B3GAT1: variants seen among roughly 807,000 people sequenced by gnomAD.
B3GAT1 encodes beta-1,3-glucuronyltransferase 1, also known as galactosylgalactosylxylosylprotein 3-beta-glucuronosyltransferase 1.
A neutral mutation model predicts 28.4 loss-of-function variants in B3GAT1; 11 were observed. The ratio of observed to expected loss-of-function variants is 0.39; its 90% CI spans 0.24 to 0.64. The LOEUF (loss-of-function observed/expected upper bound fraction) is 0.64, where lower values mean the gene tolerates loss of function less well. B3GAT1 is among the 30% of genes least tolerant of loss of function. B3GAT1 has a pLI of 0.50. For missense variants in B3GAT1, 375 were observed against 491.0 expected, an observed-to-expected ratio of 0.76 and a Z score of 2.23; for synonymous variants, 255 against 223.1, an observed-to-expected ratio of 1.14 and a Z score of -1.27.
At chr11:134,395,529 T>C (rs1944488572) in intron 1 of B3GAT1, among the ~76,000 whole-genome samples, 2 of 152,046 alleles carry the variant, frequency 1.3e-5, no homozygotes, top group South Asian at 4.1e-4. Context: ...GCCTGCGTGA[T>C]AGGGATTACT....
At chr11:134,390,511 T>TAGGAC (rs1944388013) in intron 1 of B3GAT1, 1 of 152,198 alleles carries the variant, frequency 6.6e-6, no homozygotes. Flanking sequence ...AGAAGATGAG[T>TAGGAC]GTCCTGCCAG....
At chr11:134,397,705 C>T (rs950967491) in intron 1 of B3GAT1, among the ~76,000 whole-genome samples, 2 of 152,248 alleles carry the variant, frequency 1.3e-5, no homozygotes, top group Admixed American at 6.5e-5. Flanking sequence ...GATGCCCAAG[C>T]GCAAACCAGG....
Position 134,399,772 on chromosome 11 carries a change from C to T in B3GAT1, c.-281-11832G>A, listed in dbSNP as rs1944575520. Among the ~76,000 whole-genome samples, 2 of 152,194 alleles carry T rather than the reference C, an allele frequency of 1.3e-5. 1 individual carries two copies. Among genetic ancestry groups the T allele is most frequent in the South Asian group, 4.1e-4 (2 of 4,824 alleles). The stretch of plus-strand genomic sequence containing the variant: ...TGCAGCAAGGGTCTCTCGTGATGGG[C>T]TGGATGAGTGTGTCCATCCACAGCA... On this transcript the variant is annotated intron_variant, in intron 1 of 5. Transcript: ENST00000312527.
chr11:134,404,656 C>T (rs78033321), intron 1 of B3GAT1, among the ~76,000 whole-genome samples: 4 of 152,126 alleles, frequency 2.6e-5, no homozygotes, highest in African/African-American at 9.7e-5. Context: ...GGAGGCCCCC[C>T]TCCAAGGCTC....
intron 1 of B3GAT1, among the ~76,000 whole-genome samples, chr11:134,403,984 T>A (rs188136902): frequency 1.7e-4 from 1 of 6,008 alleles, no homozygotes; most frequent in Non-Finnish European, 4.9e-4. Flanking sequence ...TTTCTTTCTT[T>A]ATATATATAT....
chr11:134,382,208 C>T (rs772534605), intron 4 of B3GAT1, among the ~76,000 whole-genome samples, 184 bp from the exon 5 acceptor site: 1 of 152,056 alleles, frequency 6.6e-6, no homozygotes, highest in Non-Finnish European at 1.5e-5. Flanking sequence ...TCTCGACTAC[C>T]CCCTCATTTT....
chr11:134,404,029 ATTTATT>A (rs1383981593), intron 1 of B3GAT1, among the ~76,000 whole-genome samples: 4 of 112,286 alleles, frequency 3.6e-5, no homozygotes, highest in African/African-American at 1.4e-4. Context: ...ATATATATAT[ATTTATT>A]ATACGTTAAG....
At position 134,412,124 on chromosome 11, in the gene B3GAT1, A is replaced by AGGTGGAGCGGGGAGGGGGG. The variant is rs1944873732; in HGVS notation, c.-600_-599insCCCCCCTCCCCGCTCCACC. Among the ~76,000 whole-genome samples the AGGTGGAGCGGGGAGGGGGG allele has an allele frequency of 5.8e-5, 1 of 17,120 alleles. No homozygotes were observed. Among genetic ancestry groups the AGGTGGAGCGGGGAGGGGGG allele is most frequent in the Non-Finnish European group, 1.2e-4 (1 of 8,254 alleles). 11.2% of individuals were successfully genotyped at this position (17,120 alleles called of 152,430 possible). A position where few individuals can be genotyped will look rare whatever the true frequency, so the allele number is the denominator to read the frequency against. ...GCGGGGAGGGGGAGCGGGGAGGGGG[A>AGGTGGAGCGGGGAGGGGGG]GCGGGGAGCGGGCGCGGGGGCGAGA... On this transcript the variant is annotated 5_prime_UTR_variant, in exon 1 of 6. Coordinates refer to ENST00000312527, the MANE Select transcript of B3GAT1 (RefSeq NM_054025.3).
At chr11:134,383,061 C>A in intron 3 of B3GAT1, 55 bp from the exon 4 acceptor site, 1 of 1,478,260 alleles carries the variant, frequency 6.8e-7, no homozygotes, top group Non-Finnish European at 9.0e-7. Context: ...AGGACGGCCG[C>A]GCGTGCCCAA....
chr11:134,386,925 C>A (rs76226296), intron 2 of B3GAT1: 5,113 of 153,422 alleles, frequency 0.033, 277 homozygotes, highest in African/African-American at 0.12. Context: ...ACACACCTTG[C>A]CTGCAAACAC....
chr11:134,382,082 C>T (rs1944138823), intron 4 of B3GAT1, 58 bp from the exon 5 acceptor site: 3 of 1,400,448 alleles, frequency 2.1e-6, no homozygotes, highest in Non-Finnish European at 3.0e-6. Context: ...ACTCTGCTGC[C>T]TCCCTGCTCC....
At chr11:134,388,135 G>A (rs1356038182) in intron 1 of B3GAT1, 195 bp from the exon 2 acceptor site, 2 of 349,870 alleles carry the variant, frequency 5.7e-6, no homozygotes, top group Non-Finnish European at 1.1e-5. Context: ...ACAGGGCCAT[G>A]GCTCTGCTCC....
intron 1 of B3GAT1, among the ~76,000 whole-genome samples, chr11:134,400,134 C>T (rs959109303): frequency 6.6e-6 from 1 of 152,174 alleles, no homozygotes; most frequent in Non-Finnish European, 1.5e-5. Context: ...TTGGCATTCC[C>T]TCTCCCACTC....
rs1944873732 is a variant in B3GAT1 at position 134,412,124 on chromosome 11, A to AGGTGGT, written c.-600_-599insACCACC. On this transcript the variant is annotated 5_prime_UTR_variant, in exon 1 of 6. Transcript: ENST00000312527. ...GCGGGGAGGGGGAGCGGGGAGGGGG[A>AGGTGGT]GCGGGGAGCGGGCGCGGGGGCGAGA... is the stretch of plus-strand genomic sequence containing the variant. 5.8e-5 allele frequency among the ~76,000 whole-genome samples: 1 copy of AGGTGGT among 17,120 alleles called. No individual in the cohort carries two copies. Among genetic ancestry groups the AGGTGGT allele is most frequent in the Non-Finnish European group, 1.2e-4 (1 of 8,254 alleles). The allele number at this position is 17,120 out of a possible 152,430, so 11.2% of individuals were successfully genotyped here. A position where few individuals can be genotyped will look rare whatever the true frequency, so the allele number is the denominator to read the frequency against.
At chr11:134,404,308 A>T (rs915222109) in intron 1 of B3GAT1, among the ~76,000 whole-genome samples, 1 of 151,826 alleles carries the variant, frequency 6.6e-6, no homozygotes, top group African/African-American at 2.4e-5. Context: ...GCTGAGAATG[A>T]TGGTTTCCAG....
chr11:134,403,956 C>T (rs1438858130), intron 1 of B3GAT1, among the ~76,000 whole-genome samples: 4 of 122,810 alleles, frequency 3.3e-5, no homozygotes. Context: ...GAATGGGAGT[C>T]ATTTAACGGG....
chr11:134,381,612 G>C (rs1367817335), intron 5 of B3GAT1: 1 of 302,764 alleles, frequency 3.3e-6, no homozygotes, highest in African/African-American at 2.1e-5. Flanking sequence ...TGGCCAGCGA[G>C]AGTCTGAATG....
chr11:134,406,085 G>A (rs972720708), intron 1 of B3GAT1, among the ~76,000 whole-genome samples: 43 of 152,374 alleles, frequency 2.8e-4, no homozygotes, highest in African/African-American at 1.0e-3. Flanking sequence ...ACGCAGCTGG[G>A]ACCAGCGCCC....
chr11:134,382,442 CAT>C (rs1490796006), intron 4 of B3GAT1, among the ~76,000 whole-genome samples: 4 of 152,216 alleles, frequency 2.6e-5, no homozygotes, highest in East Asian at 1.9e-4. Flanking sequence ...CACGCGTAGG[CAT>C]GTGTGTGTGC....
Sources: gnomAD v4.1 joint callset for allele counts (sites outside exome capture counted in the v4.1 genomes callset) on GRCh38, gnomAD v4.1.1 for gene constraint, MANE v1.5 for transcripts, NCBI Gene and HGNC (gene_info 2026-07-23, HGNC 2026-07-21) for gene names.